Variants in CRNKL1 observed in about 807,000 individuals in gnomAD.
CRNKL1 encodes crooked neck pre-mRNA splicing factor 1.
Under a neutral mutation model 103.7 loss-of-function variants are expected in CRNKL1, and 35 were observed. The ratio of observed to expected loss-of-function variants is 0.34; its 90% CI spans 0.26 to 0.45. CRNKL1 has a LOEUF of 0.45. Ranked by LOEUF, CRNKL1 falls within the 20% of genes least tolerant of loss-of-function variation. CRNKL1 has a pLI of 1.00. For missense variants in CRNKL1, 645 were observed against 836.0 expected (o/e 0.77, Z 2.82); for synonymous variants, 267 against 282.6 (o/e 0.94, Z 0.55).
upstream of CRNKL1, among the ~76,000 whole-genome samples, chr20:20,053,162 A>G (rs1489507290): frequency 5.3e-5 from 8 of 152,246 alleles, no homozygotes; most frequent in Non-Finnish European, 1.2e-4. Context: ...ATTAAAGACA[A>G]ATGCTCAGTA....
At chr20:20,043,843 T>C (rs139552236) in intron 6 of CRNKL1, among the ~76,000 whole-genome samples, 181 bp from the exon 7 acceptor site, 16 of 152,134 alleles carry the variant, frequency 1.1e-4, no homozygotes, top group Non-Finnish European at 1.5e-4. Flanking sequence ...ACCGGTACTC[T>C]GCTTTGAGCT....
rs373384664 is a variant in CRNKL1 at position 20,050,675 on chromosome 20, TTAAG to T, written c.52-57_52-54del. 9,378 of 1,506,386 alleles carry T rather than the reference TTAAG, an allele frequency of 6.2e-3. 43 individuals are homozygous for T. The highest frequency in any genetic ancestry group is 0.015 in the Middle Eastern group (81 of 5,586). The allele number at this position is 1,506,386 out of a possible 1,614,324, so 93.3% of individuals were successfully genotyped here. A position where few individuals can be genotyped will look rare whatever the true frequency, so the allele number is the denominator to read the frequency against. On this transcript the variant is annotated intron_variant, in intron 1 of 13. Transcript: ENST00000536226. ...TTAGTAGTTGCTCTTCACACAAGGCTTAAGAAACAAACATACATTTTTTAGGATA... is the reference window on the plus strand; with the variant it reads ...TTAGTAGTTGCTCTTCACACAAGGCTAAACAAACATACATTTTTTAGGATA...
intron 8 of CRNKL1, among the ~76,000 whole-genome samples, chr20:20,042,114 G>T (rs1338507919): frequency 6.6e-6 from 1 of 152,118 alleles, no homozygotes; most frequent in Non-Finnish European, 1.5e-5. Flanking sequence ...TCAAACCAAA[G>T]TTAAAAAAGC....
upstream of CRNKL1, chr20:20,052,568 C>A: frequency 6.2e-7 from 1 of 1,613,884 alleles, no homozygotes. Context: ...GCGTGGAGTG[C>A]GGCGTCCTGG....
At chr20:20,050,269 T>C (rs962006050) in intron 2 of CRNKL1, among the ~76,000 whole-genome samples, 9 of 152,246 alleles carry the variant, frequency 5.9e-5, no homozygotes, top group African/African-American at 2.2e-4. Flanking sequence ...TCAATTTCTT[T>C]ACACTTTAAC....
intron 6 of CRNKL1, among the ~76,000 whole-genome samples, chr20:20,044,490 A>C (rs1017616320): frequency 6.6e-6 from 1 of 152,216 alleles, no homozygotes; most frequent in African/African-American, 2.4e-5. Context: ...CCGAAGTCTG[A>C]AATGTTCCAA....
rs1219920219 is a variant in CRNKL1 at position 20,034,921 on chromosome 20, A to C, written c.*1274T>G. The C allele has an allele frequency of 1.3e-5, 2 of 152,252 alleles. No homozygotes were observed. The highest frequency in any genetic ancestry group is 2.9e-5 in the Non-Finnish European group (2 of 68,042). The allele number at this position is 152,252 out of a possible 1,614,324, so 9.4% of individuals were successfully genotyped here. A position where few individuals can be genotyped will look rare whatever the true frequency, so the allele number is the denominator to read the frequency against. The stretch of plus-strand genomic sequence containing the variant: ...ACTAAAGGTCCTTTTAGGGGAAAAC[A>C]ACCTTAAAAATACAGTTCTAGTCCT... On this transcript the variant is annotated 3_prime_UTR_variant, in exon 14 of 14. Coordinates refer to ENST00000536226, the MANE Select transcript of CRNKL1 (RefSeq NM_001278628.2).
rs2043386837 is a variant in CRNKL1, at chr20:20,034,516, A to T, written c.*1679T>A. ...ATTACAATTCTACCTTGGGAACATG[A>T]CAGAATTTTTTTCTTATGCATTCAT... On this transcript the variant is annotated 3_prime_UTR_variant, in exon 14 of 14. Transcript: ENST00000536226. 1 of 151,244 alleles carries T rather than the reference A, an allele frequency of 6.6e-6. No individual in the cohort carries two copies. The highest frequency in any genetic ancestry group is 1.5e-5 in the Non-Finnish European group (1 of 67,700). The allele number at this position is 151,244 out of a possible 1,614,324, so 9.4% of individuals were successfully genotyped here.
In CRNKL1 at chr20:20,052,319, C is replaced by T. The variant is rs749766098; in HGVS notation, c.24G>A (p.Gly8=). The T allele has an allele frequency of 6.2e-7, 1 of 1,612,324 alleles. No individual in the cohort carries two copies. The highest frequency in any genetic ancestry group is 1.7e-5 in the Admixed American group (1 of 60,010). The change falls in exon 1 of 14, where the codon GGG becomes GGA. Residue 8 remains glycine, a synonymous_variant. Coordinates refer to ENST00000536226, the MANE Select transcript of CRNKL1 (RefSeq NM_001278628.2). MAASTAA[G]KQRIPKVAKV... is the part of the protein sequence containing the mutation. ...TGGCCACTTTGGGAATCCGCTGCTTCCCGGCCGCGGTGGAGGCCGCCATGT... is the reference window on the plus strand; with the variant it reads ...TGGCCACTTTGGGAATCCGCTGCTTTCCGGCCGCGGTGGAGGCCGCCATGT...
chr20:20,038,456 G>A lies in CRNKL1; in HGVS notation c.1546-6C>T. On this transcript the variant is annotated splice_region_variant and splice_polypyrimidine_tract_variant and intron_variant, in intron 11 of 13. Coordinates refer to ENST00000536226, the MANE Select transcript of CRNKL1 (RefSeq NM_001278628.2). ...ATATATGATTTCCAAAGCACCTAAG[G>A]AAGAAAAGTAAATGGGTCAGTCTTG... 1 of 1,526,468 alleles carries A rather than the reference G, an allele frequency of 6.6e-7. No homozygotes were observed. Among genetic ancestry groups the A allele is most frequent in the East Asian group, 2.5e-5 (1 of 40,752 alleles). 94.6% of individuals were successfully genotyped at this position (1,526,468 alleles called of 1,614,324 possible).
chr20:20,035,967 A>AAAG lies in CRNKL1; in HGVS notation c.*225_*227dup. 2.1e-6 allele frequency: 1 copy of AAAG among 486,264 alleles called. No individual in the cohort carries two copies. The highest frequency in any genetic ancestry group is 3.4e-5 in the East Asian group (1 of 29,232). 30.1% of individuals were successfully genotyped at this position (486,264 alleles called of 1,614,324 possible). ...ATGCATGATGTGGACAGACATTAGAAAAGTTTGGACTCAGTTGGAAAAACA... is the reference window on the plus strand; with the variant it reads ...ATGCATGATGTGGACAGACATTAGAAAAGAAGTTTGGACTCAGTTGGAAAAACA... On this transcript the variant is annotated 3_prime_UTR_variant, in exon 14 of 14. Transcript: ENST00000536226.
intron 9 of CRNKL1, among the ~76,000 whole-genome samples, chr20:20,041,140 TC>T (rs1272369564): frequency 6.6e-6 from 1 of 152,196 alleles, no homozygotes; most frequent in Non-Finnish European, 1.5e-5. Flanking sequence ...AGTCAACACT[TC>T]TACAGAAGGA....
intron 13 of CRNKL1, among the ~76,000 whole-genome samples, chr20:20,036,857 C>T (rs147337033): frequency 1.3e-5 from 2 of 152,274 alleles, no homozygotes; most frequent in African/African-American, 4.8e-5. Context: ...AAACTGCTTC[C>T]TGATGGGTCT....
At chr20:20,037,687 A>C (rs1309569978) in intron 12 of CRNKL1, 116 bp from the exon 13 acceptor site, 13 of 900,840 alleles carry the variant, frequency 1.4e-5, no homozygotes, top group Non-Finnish European at 2.2e-5. Flanking sequence ...GTGCATCACT[A>C]ATGTTTCACA....
rs188266043 is a variant in CRNKL1 at position 20,052,401 on chromosome 20, T to C, written c.-59A>G. On this transcript the variant is annotated 5_prime_UTR_variant, in exon 1 of 14. Transcript: ENST00000536226. Reference sequence around the variant, plus strand: ...CGGCACGGACGCTAGAAATCGGCTCTGAGAGCTCACCGAAACCACAAAGCT... The same window carrying C: ...CGGCACGGACGCTAGAAATCGGCTCCGAGAGCTCACCGAAACCACAAAGCT... 5.0e-6 allele frequency: 8 copies of C among 1,614,210 alleles called. No homozygotes were observed. The highest frequency in any genetic ancestry group is 6.8e-6 in the Non-Finnish European group (8 of 1,180,044).
At chr20:20,038,234 T>G (rs1425922434) in intron 12 of CRNKL1, 115 bp downstream of exon 12, 3 of 615,232 alleles carry the variant, frequency 4.9e-6, no homozygotes, top group Non-Finnish European at 8.3e-6. Context: ...AGCAAGGAAG[T>G]CATTAAAAAA....
upstream of CRNKL1, among the ~76,000 whole-genome samples, chr20:20,055,048 A>T (rs1258576421): frequency 1.3e-5 from 2 of 152,112 alleles, no homozygotes; most frequent in Non-Finnish European, 2.9e-5. Flanking sequence ...TAATTTGTTC[A>T]TAAGTATCTT....
Position 20,045,430 on chromosome 20 carries a change from T to C in CRNKL1, c.679A>G (p.Lys227Glu). The change falls in exon 6 of 14, where the codon AAA (lysine) becomes GAA (glutamate). Residue 227 changes from lysine to glutamate, a missense_variant. Lys to Glu is a moderately conservative substitution (Grantham distance 56, BLOSUM62 1). Around this residue, in one of 2 missense-constraint regions of CRNKL1, gnomAD observed 582 missense variants for 707.7 expected, o/e 0.82. Coordinates refer to ENST00000536226, the MANE Select transcript of CRNKL1 (RefSeq NM_001278628.2). The part of the protein sequence containing the change: ...NWIKYARFEE[K>E]HAYFAHARKV... ...CGTGCATGGGCAAAATAAGCATGTTTTTCTTCAAAGCGGGCATACTTGATC... is the reference window on the plus strand; with the variant it reads ...CGTGCATGGGCAAAATAAGCATGTTCTTCTTCAAAGCGGGCATACTTGATC... 6.2e-7 allele frequency: 1 copy of C among 1,613,524 alleles called. No homozygotes were observed. Among genetic ancestry groups the C allele is most frequent in the Non-Finnish European group, 8.5e-7 (1 of 1,179,828 alleles).
intron 5 of CRNKL1, 86 bp downstream of exon 5, chr20:20,047,679 G>A (rs2043614857): frequency 1.5e-6 from 2 of 1,350,788 alleles, no homozygotes; most frequent in Admixed American, 2.0e-5. Flanking sequence ...TAATGACTGT[G>A]TGTCCTGATC....
Sources: allele counts gnomAD v4.1 joint callset (sites outside exome capture counted in the v4.1 genomes callset), GRCh38; gene constraint gnomAD v4.1.1; regional missense constraint gnomAD v4.1.1; transcripts MANE v1.5; gene names NCBI Gene and HGNC (gene_info 2026-07-23, HGNC 2026-07-21).